The following RNF38 variants were observed in gnomAD, a reference collection of about 807,000 sequenced individuals.
RNF38 encodes ring finger protein 38.
A neutral mutation model predicts 67.2 loss-of-function variants in RNF38; 15 were observed. That is an observed-to-expected ratio of 0.22 (90% confidence interval 0.15 to 0.34). RNF38 has a LOEUF of 0.34. Among genes scored for constraint, RNF38 ranks in the 10% least tolerant of loss-of-function variants. The pLI is 1.00. For synonymous variants in RNF38, 220 were observed against 218.8 expected (o/e 1.01, Z -0.05); for missense variants, 524 against 639.9 (o/e 0.82, Z 1.95).
rs1490414486 is a variant in RNF38 at position 36,436,477 on chromosome 9, TC to T, written n.242-11795del. On this transcript the variant is annotated intron_variant and non_coding_transcript_variant, in intron 1 of 3. Coordinates refer to the RNF38 transcript ENST00000488058. ...ATATTAGATTCATTTATACCAATTTTCCTTCTATTATTTGTGGAAAATATAT... is the reference window on the plus strand; with the variant it reads ...ATATTAGATTCATTTATACCAATTTTCTTCTATTATTTGTGGAAAATATAT... Among the ~76,000 whole-genome samples, 3 of 152,314 alleles carry T rather than the reference TC, an allele frequency of 2.0e-5. No homozygotes were observed. In the South Asian group the frequency reaches 6.2e-4, roughly 32 times the overall value.
chr9:36,481,693 T>C (rs550046270), intron 1 of RNF38, among the ~76,000 whole-genome samples: 1 of 152,298 alleles, frequency 6.6e-6, no homozygotes, highest in African/African-American at 2.4e-5. Flanking sequence ...TATCTTTCCC[T>C]TGAGCCCCCA....
At chr9:36,376,207 T>A in intron 2 of RNF38, 80 bp from the exon 3 acceptor site, 1 of 1,053,746 alleles carries the variant, frequency 9.5e-7, no homozygotes, top group Non-Finnish European at 1.3e-6. Context: ...GGTGTTAGGA[T>A]GTACTTAACC....
chr9:36,463,461 G>C (rs560031340), intron 1 of RNF38, among the ~76,000 whole-genome samples: 1 of 152,074 alleles, frequency 6.6e-6, no homozygotes, highest in Non-Finnish European at 1.5e-5. Context: ...TGATCTAAAC[G>C]TAGGCCTTGA....
At chr9:36,359,066 G>C (rs745471746) in intron 4 of RNF38, among the ~76,000 whole-genome samples, 1 of 152,088 alleles carries the variant, frequency 6.6e-6, no homozygotes, top group Non-Finnish European at 1.5e-5. Context: ...AGGCCAAGGC[G>C]GAAGCTTTGG....
At chr9:36,359,226 G>GT (rs1834342205) in intron 4 of RNF38, among the ~76,000 whole-genome samples, 1 of 150,680 alleles carries the variant, frequency 6.6e-6, no homozygotes, top group African/African-American at 2.4e-5. Flanking sequence ...CCTAGTCTAT[G>GT]TTTTATCTTT....
rs1404586521 is a variant in RNF38 at position 36,339,346 on chromosome 9, A to G, written c.*406T>C. 1.7e-5 allele frequency: 3 copies of G among 181,032 alleles called. No homozygotes were observed. The highest frequency in any genetic ancestry group is 5.5e-5 in the Admixed American group (1 of 18,224). 11.2% of individuals were successfully genotyped at this position (181,032 alleles called of 1,614,324 possible). On this transcript the variant is annotated 3_prime_UTR_variant, in exon 12 of 12. Coordinates refer to ENST00000259605, the MANE Select transcript of RNF38 (RefSeq NM_022781.5). ...TATCACCAACAGTCATACGCTGCGC[A>G]TTCATTTCCACTCACAGTTTCTGAA...
At chr9:36,416,287 G>A (rs978000592) in intron 2 of RNF38, among the ~76,000 whole-genome samples, 2 of 151,942 alleles carry the variant, frequency 1.3e-5, no homozygotes, top group African/African-American at 2.4e-5. Flanking sequence ...TGCCTCTGCT[G>A]CTTCAAACAG....
intron 1 of RNF38, among the ~76,000 whole-genome samples, chr9:36,431,743 T>C (rs944397018): frequency 6.6e-6 from 1 of 152,170 alleles, no homozygotes; most frequent in Non-Finnish European, 1.5e-5. Flanking sequence ...TCATTGGCCA[T>C]TGGTAACTGA....
At chr9:36,456,342 C>A (rs774807695) in intron 1 of RNF38, among the ~76,000 whole-genome samples, 1 of 152,188 alleles carries the variant, frequency 6.6e-6, no homozygotes, top group Non-Finnish European at 1.5e-5. Flanking sequence ...CAGGCGTGAG[C>A]CACAGTAGCT....
intron 1 of RNF38, among the ~76,000 whole-genome samples, chr9:36,392,769 T>C (rs1837207868): frequency 6.6e-6 from 1 of 151,988 alleles, no homozygotes; most frequent in Non-Finnish European, 1.5e-5. Context: ...TTTCTAAAAA[T>C]AAGTATTTGT....
At chr9:36,341,184 C>G (rs1832797050) in intron 11 of RNF38, among the ~76,000 whole-genome samples, 1 of 152,166 alleles carries the variant, frequency 6.6e-6, no homozygotes, top group African/African-American at 2.4e-5. Flanking sequence ...TTTCTTTTCC[C>G]ACTCTTCCTC....
At chr9:36,433,901 C>T (rs560067140) in intron 1 of RNF38, among the ~76,000 whole-genome samples, 36 of 151,990 alleles carry the variant, frequency 2.4e-4, no homozygotes, top group African/African-American at 8.2e-4. Context: ...AGTACATCTT[C>T]TAAAACGAGT....
chr9:36,421,671 A>T (rs1838631909), intron 2 of RNF38, among the ~76,000 whole-genome samples: 1 of 152,162 alleles, frequency 6.6e-6, no homozygotes, highest in Admixed American at 6.5e-5. Context: ...CTGAAAAATA[A>T]AAATAAATAA....
rs1295019235 is a variant in RNF38 at position 36,376,049 on chromosome 9, A to C, written c.241T>G (p.Ser81Ala). 6.2e-7 allele frequency: 1 copy of C among 1,613,372 alleles called. No homozygotes were observed. Among genetic ancestry groups the C allele is most frequent in the Non-Finnish European group, 8.5e-7 (1 of 1,179,760 alleles). ...ATCTCCCATGGTCGCATTGGTGGTG[A>C]GGGAGCTGGTGATGCTGATGTATAA... ...FDYTSASPAP[S>A]PPMRPWEMTS... is the part of the protein sequence containing the mutation. The change falls in exon 3 of 12, where the codon TCA (serine) becomes GCA (alanine). Residue 81 changes from serine (S) to alanine (A), a missense_variant. Coordinates refer to ENST00000259605, the MANE Select transcript of RNF38 (RefSeq NM_022781.5).
chr9:36,433,002 C>T (rs1564060878), intron 1 of RNF38, among the ~76,000 whole-genome samples: 1 of 151,996 alleles, frequency 6.6e-6, no homozygotes, highest in Non-Finnish European at 1.5e-5. Context: ...AACCTGAAAT[C>T]TCTAGTATCT....
At chr9:36,469,696 C>T (rs1487126827) in intron 1 of RNF38, among the ~76,000 whole-genome samples, 2 of 152,008 alleles carry the variant, frequency 1.3e-5, no homozygotes, top group Admixed American at 6.6e-5. Context: ...ATGTTCAAAG[C>T]CTGGTGCGGT....
intron 1 of RNF38, among the ~76,000 whole-genome samples, chr9:36,477,195 G>A (rs1475487727): frequency 6.6e-6 from 1 of 151,586 alleles, no homozygotes; most frequent in Non-Finnish European, 1.5e-5. Flanking sequence ...GTGGTGGTGG[G>A]CGCCTGTAAT....
chr9:36,465,304 C>A (rs1050026432), intron 1 of RNF38, among the ~76,000 whole-genome samples: 3 of 152,152 alleles, frequency 2.0e-5, no homozygotes, highest in African/African-American at 7.2e-5. Context: ...AATATATGTC[C>A]ATGTAAAAAC....
chr9:36,401,050 C>T (rs1837999170), upstream of RNF38: 1 of 984,902 alleles, frequency 1.0e-6, no homozygotes, highest in African/African-American at 1.8e-5. Flanking sequence ...CCTCCCACTT[C>T]TTGGGTCCGG....
Sources: gnomAD v4.1 joint callset for allele counts (sites outside exome capture counted in the v4.1 genomes callset) on GRCh38, gnomAD v4.1.1 for gene constraint, MANE v1.5 for transcripts, NCBI Gene and HGNC (gene_info 2026-07-23, HGNC 2026-07-21) for gene names.